Variants in RPH3A observed in about 807,000 individuals in gnomAD.
RPH3A encodes the protein rabphilin-3A.
Under a neutral mutation model 102.2 loss-of-function variants are expected in RPH3A, and 48 were observed. That is an observed-to-expected ratio of 0.47 (90% CI 0.37 to 0.60). RPH3A has a LOEUF of 0.60. Among genes scored for constraint, RPH3A ranks in the 20% least tolerant of loss-of-function variants. The pLI, the probability that RPH3A is intolerant of heterozygous loss-of-function variation, is 0.00. For missense variants in RPH3A, 781 were observed against 910.1 expected (o/e 0.86, Z 1.83); for synonymous variants, 310 against 324.3 (o/e 0.96, Z 0.47).
chr12:112,645,432 T>C (rs1333677891), intron 1 of RPH3A, among the ~76,000 whole-genome samples: 1 of 152,202 alleles, frequency 6.6e-6, no homozygotes, highest in Non-Finnish European at 1.5e-5. Context: ...ATCTTCTCAG[T>C]TTATTGCCAG....
At chr12:112,874,064 G>A (rs936503750) in intron 10 of RPH3A, 1 of 152,236 alleles carries the variant, frequency 6.6e-6, no homozygotes, top group Non-Finnish European at 1.5e-5. Context: ...TAAGCCCCCA[G>A]GCAGAGGTGG....
chr12:112,618,500 T>C (rs2039697938), intron 1 of RPH3A, among the ~76,000 whole-genome samples: 1 of 152,132 alleles, frequency 6.6e-6, no homozygotes, highest in South Asian at 2.1e-4. Flanking sequence ...GCTCCCACCC[T>C]CTCTAAGTTG....
At chr12:112,749,106 C>A (rs999580849) in intron 1 of RPH3A, among the ~76,000 whole-genome samples, 3 of 152,164 alleles carry the variant, frequency 2.0e-5, no homozygotes, top group South Asian at 2.1e-4. Context: ...ATCTGAGTAA[C>A]CTTCTGTGCA....
chr12:112,857,365 G>T (rs893005534), intron 5 of RPH3A, among the ~76,000 whole-genome samples: 1 of 152,146 alleles, frequency 6.6e-6, no homozygotes, highest in African/African-American at 2.4e-5. Context: ...TGGCAAAAGG[G>T]TCTTTGCAGC....
At chr12:112,720,290 A>G (rs2040542112) in intron 1 of RPH3A, among the ~76,000 whole-genome samples, 1 of 152,232 alleles carries the variant, frequency 6.6e-6, no homozygotes. Flanking sequence ...GAATATTTTC[A>G]TGTGAGGTAA....
At chr12:112,730,926 G>A (rs998752500) in intron 1 of RPH3A, among the ~76,000 whole-genome samples, 2 of 152,168 alleles carry the variant, frequency 1.3e-5, no homozygotes, top group African/African-American at 4.8e-5. Flanking sequence ...TCAGATCTCT[G>A]TAATTTACCA....
At chr12:112,681,893 G>A (rs1035171149) in intron 1 of RPH3A, among the ~76,000 whole-genome samples, 10 of 152,212 alleles carry the variant, frequency 6.6e-5, no homozygotes, top group Non-Finnish European at 1.5e-4. Flanking sequence ...GATAAATATC[G>A]ACATTTTTTA....
chr12:112,738,407 G>A (rs1019583187), intron 1 of RPH3A, among the ~76,000 whole-genome samples: 2 of 152,008 alleles, frequency 1.3e-5, no homozygotes, highest in East Asian at 1.9e-4. Flanking sequence ...GATCCAGTAT[G>A]TCCTCATCTT....
intron 1 of RPH3A, among the ~76,000 whole-genome samples, chr12:112,726,992 A>C (rs6489856): frequency 0.75 from 113,986 of 151,962 alleles, 43,332 homozygotes; most frequent in East Asian, 0.89. Flanking sequence ...CACTGCACTG[A>C]AGCTGGGGCG....
intron 1 of RPH3A, among the ~76,000 whole-genome samples, chr12:112,779,864 T>G (rs2040994781): frequency 6.6e-6 from 1 of 152,204 alleles, no homozygotes; most frequent in Non-Finnish European, 1.5e-5. Context: ...ATATGATTGG[T>G]GTCATCATAC....
At chr12:112,801,465 G>A (rs1472680903) in intron 2 of RPH3A, among the ~76,000 whole-genome samples, 4 of 152,198 alleles carry the variant, frequency 2.6e-5, no homozygotes, top group Admixed American at 1.3e-4. Flanking sequence ...GCCAACTTCC[G>A]CAGAGGGGTC....
chr12:112,888,960 A>G (rs921558038), intron 17 of RPH3A, among the ~76,000 whole-genome samples: 1 of 150,434 alleles, frequency 6.6e-6, no homozygotes, highest in Non-Finnish European at 1.5e-5. Context: ...CACTGGCCAG[A>G]GTCCAGCTCT....
Position 112,870,038 on chromosome 12 carries a change from A to C in RPH3A, c.795A>C (p.Ala265=), listed in dbSNP as rs776112889. 1.2e-6 allele frequency: 2 copies of C among 1,610,352 alleles called. No individual in the cohort carries two copies. Among genetic ancestry groups the C allele is most frequent in the South Asian group, 2.2e-5 (2 of 90,406 alleles). Residue 265 remains alanine (A), a splice_region_variant and synonymous_variant, in exon 10 of 22, where the codon GCA becomes GCC. Coordinates refer to ENST00000389385, the MANE Select transcript of RPH3A (RefSeq NM_001143854.2). ...GGAGDSSRSP[A]GLRRANSVQA... is the part of the protein sequence containing the mutation. ...CTGGAGACTCCAGCCGGAGCCCAGC[A>C]GGTGAGCAAGATGGGCAAATCCAGA...
intron 8 of RPH3A, chr12:112,869,179 G>A (rs927750337): frequency 6.5e-6 from 1 of 153,408 alleles, no homozygotes; most frequent in Non-Finnish European, 1.5e-5. Context: ...CATTTTAGTT[G>A]GACTAGACCA....
At chr12:112,665,279 G>A (rs2040076678) in intron 1 of RPH3A, among the ~76,000 whole-genome samples, 1 of 152,172 alleles carries the variant, frequency 6.6e-6, no homozygotes, top group Admixed American at 6.5e-5. Flanking sequence ...ATGTGAAACA[G>A]AGCTATGACT....
At position 112,897,795 on chromosome 12, in the gene RPH3A, A is replaced by G. The variant is rs2136279690; in HGVS notation, c.*1015A>G. 6.6e-6 allele frequency: 1 copy of G among 152,362 alleles called. No individual in the cohort carries two copies. Among genetic ancestry groups the G allele is most frequent in the South Asian group, 2.1e-4 (1 of 4,824 alleles). The allele number at this position is 152,362 out of a possible 1,614,324, so 9.4% of individuals were successfully genotyped here. Reference sequence around the variant, plus strand: ...CCCAGGGCTTGGGCCAATGGCTGGCACTGCCCTGAGTGCATGGCAGCATCC... The same window carrying G: ...CCCAGGGCTTGGGCCAATGGCTGGCGCTGCCCTGAGTGCATGGCAGCATCC... On this transcript the variant is annotated 3_prime_UTR_variant, in exon 22 of 22. Transcript: ENST00000389385.
intron 1 of RPH3A, among the ~76,000 whole-genome samples, chr12:112,596,041 T>C (rs1469879113): frequency 2.0e-5 from 3 of 152,200 alleles, no homozygotes; most frequent in Non-Finnish European, 2.9e-5. Flanking sequence ...AAAACAGTTA[T>C]GTAGGTTGGT....
At chr12:112,697,319 A>G (rs918972031) in intron 1 of RPH3A, among the ~76,000 whole-genome samples, 21 of 152,332 alleles carry the variant, frequency 1.4e-4, no homozygotes, top group African/African-American at 4.3e-4. Flanking sequence ...TTACTACTAT[A>G]TACTAGGAAT....
chr12:112,876,670 T>A lies in RPH3A; in HGVS notation c.975T>A (p.Thr325=), dbSNP rs375273340. ...TGGCTCCGAGCGACCCTGGGACCAC[T>A]GCCCCACCCCGAGAGGAGAGAACAG... ...PEVAPSDPGT[T]APPREERTGG... Residue 325 remains threonine (T), a synonymous_variant, in exon 13 of 22, where the codon ACT becomes ACA. Transcript: ENST00000389385. 1.9e-5 allele frequency: 31 copies of A among 1,612,066 alleles called. No homozygotes were observed. The highest frequency in any genetic ancestry group is 2.7e-5 in the African/African-American group (2 of 74,832).
Sources: allele counts gnomAD v4.1 joint callset (sites outside exome capture counted in the v4.1 genomes callset), GRCh38; gene constraint gnomAD v4.1.1; transcripts MANE v1.5; gene names NCBI Gene and HGNC (gene_info 2026-07-23, HGNC 2026-07-21).